IRAK1BP1: variants seen among roughly 807,000 people sequenced by gnomAD.
IRAK1BP1 encodes interleukin 1 receptor associated kinase 1 binding protein 1.
Under a neutral mutation model 28.0 loss-of-function variants are expected in IRAK1BP1, and 24 were observed. The ratio of observed to expected loss-of-function variants is 0.86; its 90% CI spans 0.62 to 1.20. The LOEUF is 1.20. Ranked by LOEUF, IRAK1BP1 falls within the 50% of genes most tolerant of loss-of-function variation. The pLI is 0.00. For synonymous variants in IRAK1BP1, 131 were observed against 116.3 expected (o/e 1.13, Z -0.81); for missense variants, 336 against 316.7 (o/e 1.06, Z -0.46).
At chr6:78,912,724 AAATG>A (rs1195817289) in intron 4 of IRAK1BP1, among the ~76,000 whole-genome samples, 2 of 152,248 alleles carry the variant, frequency 1.3e-5, no homozygotes, top group East Asian at 1.9e-4. Flanking sequence ...ATAGCAATAA[AAATG>A]AATGAATTTT....
At chr6:78,943,270 T>C (rs1773598804) in intron 4 of IRAK1BP1, among the ~76,000 whole-genome samples, 1 of 152,180 alleles carries the variant, frequency 6.6e-6, no homozygotes, top group African/African-American at 2.4e-5. Flanking sequence ...TAAAACACTG[T>C]TAATGTTAAC....
chr6:78,910,167 CAG>C (rs891352832), intron 4 of IRAK1BP1, among the ~76,000 whole-genome samples: 9 of 152,020 alleles, frequency 5.9e-5, no homozygotes, highest in Non-Finnish European at 1.3e-4. Flanking sequence ...AGGTCCATGA[CAG>C]GGGATGAGGG....
intron 1 of IRAK1BP1, among the ~76,000 whole-genome samples, chr6:78,881,264 G>C (rs1314145063): frequency 1.3e-5 from 2 of 152,270 alleles, no homozygotes; most frequent in Non-Finnish European, 2.9e-5. Flanking sequence ...AAAGAAGCCA[G>C]ACCCAAAAGC....
At chr6:78,870,376 T>TA (rs1770754781) in intron 1 of IRAK1BP1, among the ~76,000 whole-genome samples, 1 of 152,184 alleles carries the variant, frequency 6.6e-6, no homozygotes, top group Admixed American at 6.5e-5. Flanking sequence ...TCCTGTATCA[T>TA]AATTCTTAAT....
chr6:78,904,628 T>C (rs1161831576), downstream of IRAK1BP1, among the ~76,000 whole-genome samples: 1 of 152,208 alleles, frequency 6.6e-6, no homozygotes, highest in Admixed American at 6.5e-5. Context: ...TGTTCTTCCA[T>C]TGAATCAGTC....
At chr6:78,883,730 T>G (rs1172529323) in intron 1 of IRAK1BP1, among the ~76,000 whole-genome samples, 3 of 152,148 alleles carry the variant, frequency 2.0e-5, no homozygotes, top group African/African-American at 7.2e-5. Flanking sequence ...TCCAAAAATA[T>G]TAAATGTAAA....
At chr6:78,881,841 G>A (rs555703073) in intron 1 of IRAK1BP1, among the ~76,000 whole-genome samples, 29 of 152,162 alleles carry the variant, frequency 1.9e-4, no homozygotes, top group African/African-American at 6.5e-4. Context: ...TGGGAGCCAG[G>A]TTTCTCACTA....
chr6:78,880,812 T>G (rs1270109368), intron 1 of IRAK1BP1, among the ~76,000 whole-genome samples: 1 of 152,036 alleles, frequency 6.6e-6, no homozygotes, highest in East Asian at 1.9e-4. Flanking sequence ...AAATGGAAAA[T>G]AAAACCACAA....
At chr6:78,974,211 G>C in the IRAK1BP1 span, among the ~76,000 whole-genome samples, 1 of 152,114 alleles carries the variant, frequency 6.6e-6, no homozygotes, top group Non-Finnish European at 1.5e-5. Context: ...TAGAATTCAG[G>C]ATTAAGAATC....
chr6:78,929,825 A>ATAT (rs1458019625), intron 4 of IRAK1BP1, among the ~76,000 whole-genome samples: 3 of 152,240 alleles, frequency 2.0e-5, no homozygotes, highest in Admixed American at 6.5e-5. Flanking sequence ...TAAACTTCTT[A>ATAT]TATTGGTCCA....
At chr6:78,952,077 G>C in the IRAK1BP1 span, among the ~76,000 whole-genome samples, 2 of 151,902 alleles carry the variant, frequency 1.3e-5, no homozygotes, top group African/African-American at 4.8e-5. Flanking sequence ...TTCTTTTCTT[G>C]TATATCCCGA....
rs1190621588 is a variant in IRAK1BP1, at chr6:78,931,244, A to T, written c.*68-14164A>T. Among the ~76,000 whole-genome samples, 8 of 152,194 alleles carry T rather than the reference A, an allele frequency of 5.3e-5. No homozygotes were observed. The East Asian group carries it at 1.6e-3, about 30-fold the overall frequency. ...AGTGAAATTCCTGTCTCTACAATCA[A>T]TCAATCCATCAATCAATAAATGCCT... On this transcript the variant is annotated intron_variant and NMD_transcript_variant, in intron 4 of 4. Coordinates refer to the IRAK1BP1 transcript ENST00000606868.
intron 4 of IRAK1BP1, among the ~76,000 whole-genome samples, chr6:78,928,728 G>C (rs527969128): frequency 2.8e-4 from 43 of 152,190 alleles, no homozygotes; most frequent in South Asian, 6.2e-4. Context: ...TATCATGAAG[G>C]GATGTTGAAT....
chr6:78,902,216 A>G lies in IRAK1BP1; in HGVS notation c.*3882A>G, dbSNP rs1772127657. 4 of 152,238 alleles carry G rather than the reference A, an allele frequency of 2.6e-5. No individual in the cohort carries two copies. The highest frequency in any genetic ancestry group is 1.3e-4 in the Admixed American group (2 of 15,280). The allele number at this position is 152,238 out of a possible 1,614,324, so 9.4% of individuals were successfully genotyped here. ...AGTGCAAGTAGCTCAATCATAGCTT[A>G]CTGCAGCCTAAAAACTCCTGGGCTG... On this transcript the variant is annotated 3_prime_UTR_variant, in exon 4 of 4. Coordinates refer to ENST00000369940, the MANE Select transcript of IRAK1BP1 (RefSeq NM_001010844.4).
chr6:78,953,496 A>G, the IRAK1BP1 span, among the ~76,000 whole-genome samples: 41 of 152,354 alleles, frequency 2.7e-4, no homozygotes, highest in African/African-American at 5.3e-4. Flanking sequence ...AGCGAAATCC[A>G]TAAGTTGTGA....
intron 4 of IRAK1BP1, among the ~76,000 whole-genome samples, chr6:78,923,865 AC>A (rs1479441443): frequency 2.0e-5 from 3 of 152,212 alleles, no homozygotes; most frequent in Non-Finnish European, 4.4e-5. Context: ...GTTCTTTGAA[AC>A]CAACGAGAAC....
chr6:78,917,416 T>G (rs1356887983), intron 4 of IRAK1BP1, among the ~76,000 whole-genome samples: 1 of 151,994 alleles, frequency 6.6e-6, no homozygotes, highest in East Asian at 1.9e-4. Flanking sequence ...AAGTATGGAA[T>G]AACGTACAGC....
At chr6:78,921,839 T>C (rs999220601) in intron 4 of IRAK1BP1, among the ~76,000 whole-genome samples, 11 of 152,028 alleles carry the variant, frequency 7.2e-5, no homozygotes, top group African/African-American at 2.7e-4. Context: ...TCCAGCAAAC[T>C]CCAACAGACC....
At chr6:78,920,533 G>A (rs1212039150) in intron 4 of IRAK1BP1, among the ~76,000 whole-genome samples, 3 of 152,178 alleles carry the variant, frequency 2.0e-5, no homozygotes, top group Non-Finnish European at 4.4e-5. Context: ...AAGCAATGGT[G>A]AAAGGATTCC....
Sources: allele counts gnomAD v4.1 joint callset (sites outside exome capture counted in the v4.1 genomes callset), GRCh38; gene constraint gnomAD v4.1.1; transcripts MANE v1.5; gene names NCBI Gene and HGNC (gene_info 2026-07-23, HGNC 2026-07-21).